Variants in GUCY1A1 observed in about 807,000 individuals in gnomAD.
GUCY1A1 encodes the protein guanylate cyclase 1 soluble subunit alpha 1, also known as guanylate cyclase soluble subunit alpha-1.
A neutral mutation model predicts 64.5 loss-of-function variants in GUCY1A1; 48 were observed. The ratio of observed to expected loss-of-function variants is 0.74; its 90% CI spans 0.59 to 0.95. GUCY1A1 has a LOEUF of 0.95. Ranked by LOEUF, GUCY1A1 falls within the 40% of genes least tolerant of loss-of-function variation. GUCY1A1 has a pLI of 0.00. For synonymous variants in GUCY1A1, 308 were observed against 303.4 expected, an observed-to-expected ratio of 1.02 and a Z score of -0.16; for missense variants, 804 against 825.3, an observed-to-expected ratio of 0.97 and a Z score of 0.32.
intron 2 of GUCY1A1, among the ~76,000 whole-genome samples, chr4:155,682,237 A>G (rs1340724517): frequency 2.0e-5 from 3 of 152,168 alleles, no homozygotes; most frequent in Non-Finnish European, 4.4e-5. Flanking sequence ...CAAATTCTGT[A>G]CATTCCAAGA....
intron 2 of GUCY1A1, among the ~76,000 whole-genome samples, chr4:155,671,389 G>C (rs1308777307): frequency 6.6e-6 from 1 of 152,184 alleles, no homozygotes; most frequent in Non-Finnish European, 1.5e-5. Flanking sequence ...TGGACAAAGA[G>C]AGACATAACT....
chr4:155,681,414 A>G (rs1197650767), intron 2 of GUCY1A1, among the ~76,000 whole-genome samples: 2 of 152,182 alleles, frequency 1.3e-5, no homozygotes, highest in Non-Finnish European at 2.9e-5. Flanking sequence ...CTGTTTCCCA[A>G]TCCACAGATC....
At chr4:155,729,498 A>G (rs1365151937) in intron 9 of GUCY1A1, among the ~76,000 whole-genome samples, 1 of 151,836 alleles carries the variant, frequency 6.6e-6, no homozygotes, top group Admixed American at 6.6e-5. Flanking sequence ...TTTGAGTCCT[A>G]CTAATCTAGA....
At chr4:155,701,802 C>CAAAA (rs34761852) in intron 3 of GUCY1A1, among the ~76,000 whole-genome samples, 1 of 99,632 alleles carries the variant, frequency 1.0e-5, no homozygotes, top group Admixed American at 1.0e-4. Context: ...ACTCTATATC[C>CAAAA]AAAAAAAAAA....
chr4:155,709,354 C>T (rs1732232738), intron 5 of GUCY1A1, among the ~76,000 whole-genome samples: 1 of 152,156 alleles, frequency 6.6e-6, no homozygotes, highest in Non-Finnish European at 1.5e-5. Flanking sequence ...AATTCTTTCT[C>T]CTATCTCTTT....
chr4:155,717,967 G>T (rs1207499830), intron 8 of GUCY1A1, among the ~76,000 whole-genome samples: 1 of 152,134 alleles, frequency 6.6e-6, no homozygotes, highest in East Asian at 1.9e-4. Context: ...TGGAGGAGAG[G>T]ATATTACATT....
At chr4:155,726,569 G>A (rs180790113) in intron 9 of GUCY1A1, among the ~76,000 whole-genome samples, 2 of 151,878 alleles carry the variant, frequency 1.3e-5, no homozygotes, top group Non-Finnish European at 2.9e-5. Context: ...GTTTAATATT[G>A]AATGTAGCTT....
chr4:155,716,037 C>T (rs1166420510), intron 7 of GUCY1A1, among the ~76,000 whole-genome samples: 1 of 151,970 alleles, frequency 6.6e-6, no homozygotes, highest in East Asian at 1.9e-4. Flanking sequence ...GGGACAACCA[C>T]GTGGTTATCT....
At chr4:155,700,523 G>C (rs1180215078) in intron 3 of GUCY1A1, among the ~76,000 whole-genome samples, 5 of 152,144 alleles carry the variant, frequency 3.3e-5, no homozygotes, top group Admixed American at 3.3e-4. Flanking sequence ...TCAAATAGCA[G>C]TTTTTCCTGA....
chr4:155,689,791 C>T (rs1036185421), intron 2 of GUCY1A1, among the ~76,000 whole-genome samples: 41 of 152,254 alleles, frequency 2.7e-4, no homozygotes, highest in Admixed American at 2.4e-3. Context: ...CCCGGCGAGT[C>T]GGGGGGCAGG....
At chr4:155,700,118 G>T (rs186485951) in intron 3 of GUCY1A1, among the ~76,000 whole-genome samples, 1 of 151,902 alleles carries the variant, frequency 6.6e-6, no homozygotes, top group Non-Finnish European at 1.5e-5. Flanking sequence ...TTTTTTCATG[G>T]GTATTGTTTC....
intron 2 of GUCY1A1, among the ~76,000 whole-genome samples, chr4:155,681,388 CCTT>C (rs767306908): frequency 2.4e-4 from 37 of 152,130 alleles, no homozygotes; most frequent in Non-Finnish European, 4.3e-4. Flanking sequence ...TCCTCACAAT[CCTT>C]CTTTCAAACT....
At chr4:155,693,995 C>T (rs1054152283) in intron 2 of GUCY1A1, among the ~76,000 whole-genome samples, 1 of 152,114 alleles carries the variant, frequency 6.6e-6, no homozygotes, top group South Asian at 2.1e-4. Context: ...CAGAATAATT[C>T]GTTTTAGTAA....
intron 7 of GUCY1A1, 114 bp downstream of exon 7, chr4:155,713,697 C>A: frequency 9.0e-7 from 1 of 1,105,238 alleles, no homozygotes; most frequent in Non-Finnish European, 1.3e-6. Flanking sequence ...TAGGGTCTTG[C>A]AAGCCCAGTC....
chr4:155,722,336 C>T (rs373309256), intron 9 of GUCY1A1, 144 bp downstream of exon 9: 10 of 1,436,662 alleles, frequency 7.0e-6, no homozygotes, highest in East Asian at 5.0e-5. Flanking sequence ...TTATCATCCT[C>T]ACTTTAACTT....
intron 9 of GUCY1A1, among the ~76,000 whole-genome samples, chr4:155,724,988 C>T (rs529121173): frequency 1.3e-5 from 2 of 152,180 alleles, no homozygotes; most frequent in South Asian, 4.1e-4. Context: ...CTCAGACCAT[C>T]GACCTTACAG....
intron 4 of GUCY1A1, among the ~76,000 whole-genome samples, chr4:155,705,538 T>TC (rs1260341507): frequency 2.6e-4 from 19 of 72,482 alleles, no homozygotes; most frequent in African/African-American, 8.4e-4. Context: ...AGACTCCATC[T>TC]CAAAAAAAAA....
intron 9 of GUCY1A1, among the ~76,000 whole-genome samples, chr4:155,723,863 G>A (rs116676065): frequency 0.034 from 5,129 of 151,852 alleles, 119 homozygotes; most frequent in East Asian, 0.12. Context: ...GGGTTTTGCC[G>A]TGTTGGCCAG....
intron 2 of GUCY1A1, among the ~76,000 whole-genome samples, chr4:155,695,936 G>C (rs1292477036): frequency 6.6e-6 from 1 of 152,152 alleles, no homozygotes; most frequent in Non-Finnish European, 1.5e-5. Context: ...TGATAAATGG[G>C]TTGTGAATTG....
Sources: allele counts gnomAD v4.1 joint callset (sites outside exome capture counted in the v4.1 genomes callset), GRCh38; gene constraint gnomAD v4.1.1; transcripts MANE v1.5; gene names NCBI Gene and HGNC (gene_info 2026-07-23, HGNC 2026-07-21).